BZW1: variants seen among roughly 807,000 people sequenced by gnomAD.
BZW1 encodes the protein eIF5-mimic protein 2.
In BZW1, 3 loss-of-function variants were observed where a neutral mutation model predicts 54.1. The observed-to-expected ratio is 0.06, with a 90% CI of 0.03 to 0.14. The LOEUF is 0.14. Ranked by LOEUF, BZW1 falls within the 10% of genes least tolerant of loss-of-function variation. The pLI, the probability that BZW1 is intolerant of heterozygous loss-of-function variation, is 1.00. For missense variants in BZW1, 206 were observed against 491.7 expected, an observed-to-expected ratio of 0.42 and a Z score of 5.50; for synonymous variants, 152 against 162.7, an observed-to-expected ratio of 0.93 and a Z score of 0.50.
rs2038676733 is a variant in BZW1 at position 200,825,889 on chromosome 2, G to T, written c.*3711G>T. The stretch of plus-strand genomic sequence containing the variant: ...TTTGTACAAATATTCCTCAGATGCT[G>T]TCTACAGGTGCCATATAAAATAGGT... On this transcript the variant is annotated 3_prime_UTR_variant, in exon 12 of 12. Transcript: ENST00000409600. The T allele has an allele frequency of 6.6e-6, 1 of 152,204 alleles. No individual in the cohort carries two copies. The highest frequency in any genetic ancestry group is 2.4e-5 in the African/African-American group (1 of 41,454). The allele number at this position is 152,204 out of a possible 1,614,324, so 9.4% of individuals were successfully genotyped here. A position where few individuals can be genotyped will look rare whatever the true frequency, so the allele number is the denominator to read the frequency against.
Position 200,818,402 on chromosome 2 carries a change from TTG to T in BZW1, c.819+11_819+12del. On this transcript the variant is annotated intron_variant, in intron 8 of 11. Transcript: ENST00000409600. ...GTGATCCATTTAAGGATGTAAGTTTTTGTTTAAACCGTCTTTTTATGGCTAAG... is the reference window on the plus strand; with the variant it reads ...GTGATCCATTTAAGGATGTAAGTTTTTTTAAACCGTCTTTTTATGGCTAAG... 6.3e-7 allele frequency: 1 copy of T among 1,595,522 alleles called. No individual in the cohort carries two copies. Among genetic ancestry groups the T allele is most frequent in the East Asian group, 2.2e-5 (1 of 44,824 alleles).
rs895202058 is a variant in BZW1 at position 200,826,221 on chromosome 2, CCTTT to C, written c.*4046_*4049del. On this transcript the variant is annotated 3_prime_UTR_variant, in exon 12 of 12. Transcript: ENST00000409600. Reference sequence around the variant, plus strand: ...ACTGGATCAGAAAGGCTTTCTGACTCCTTTCTCTTCACTTTTTTCTCCCAGCTTA... The same window carrying C: ...ACTGGATCAGAAAGGCTTTCTGACTCCTCTTCACTTTTTTCTCCCAGCTTA... The C allele has an allele frequency of 2.0e-4, 31 of 152,138 alleles. 1 individual carries two copies. The highest frequency in any genetic ancestry group is 7.5e-4 in the African/African-American group (31 of 41,518). 9.4% of individuals were successfully genotyped at this position (152,138 alleles called of 1,614,324 possible).
intron 10 of BZW1, among the ~76,000 whole-genome samples, chr2:200,820,543 A>G (rs2038471945): frequency 6.6e-6 from 1 of 152,154 alleles, no homozygotes; most frequent in Admixed American, 6.5e-5. Context: ...TAGGCAGGGA[A>G]TGGTGGCGCA....
chr2:200,817,832 T>C (rs962609769), intron 6 of BZW1, 142 bp from the exon 7 acceptor site: 6 of 580,924 alleles, frequency 1.0e-5, no homozygotes, highest in Admixed American at 9.4e-5. Context: ...TGATAAACTG[T>C]GGCCCAGGAA....
intron 2 of BZW1, among the ~76,000 whole-genome samples, chr2:200,814,740 C>G (rs913394330): frequency 2.0e-5 from 3 of 152,086 alleles, no homozygotes; most frequent in African/African-American, 7.2e-5. Flanking sequence ...ACTCCAGAGC[C>G]CATGTACTGA....
intron 4 of BZW1, 106 bp from the exon 5 acceptor site, chr2:200,816,219 T>C (rs2038284069): frequency 1.4e-6 from 1 of 696,790 alleles, no homozygotes; most frequent in Non-Finnish European, 2.3e-6. Context: ...GGAATTCTTC[T>C]CAAGCTGGTT....
rs372064761 is a variant in BZW1 at position 200,812,048 on chromosome 2, A to C, written c.-11+58A>C. ...ACGCTGCGGGTCGTGGACGCCGGGC[A>C]GAGGGAGAGGGAGGCGGCGGGCTGG... On this transcript the variant is annotated intron_variant, in intron 1 of 11. Coordinates refer to ENST00000409600, the MANE Select transcript of BZW1 (RefSeq NM_001207067.2). 113 of 395,552 alleles carry C rather than the reference A, an allele frequency of 2.9e-4. 3 individuals are homozygous for C. The East Asian group carries it at 3.0e-3, about 11-fold the overall frequency. The allele number at this position is 395,552 out of a possible 1,614,324, so 24.5% of individuals were successfully genotyped here.
Position 200,826,736 on chromosome 2 carries a change from T to A in BZW1, c.*4558T>A, listed in dbSNP as rs1461972183. The A allele has an allele frequency of 6.6e-6, 1 of 152,160 alleles. No individual in the cohort carries two copies. The highest frequency in any genetic ancestry group is 1.5e-5 in the Non-Finnish European group (1 of 68,032). The allele number at this position is 152,160 out of a possible 1,614,324, so 9.4% of individuals were successfully genotyped here. ...CTGCAGAATCCCTTGCTTTGTCATC[T>A]TATCCAGAAGGACTGATAGCTTGTT... On this transcript the variant is annotated 3_prime_UTR_variant, in exon 12 of 12. Transcript: ENST00000409600.
upstream of BZW1, chr2:200,811,871 G>T: frequency 5.4e-6 from 1 of 186,800 alleles, no homozygotes; most frequent in Non-Finnish European, 1.1e-5. Flanking sequence ...TAGGAGAGCG[G>T]TCCGGGCGGG....
At chr2:200,819,654 G>C (rs1366580936) in intron 9 of BZW1, among the ~76,000 whole-genome samples, 3 of 151,490 alleles carry the variant, frequency 2.0e-5, no homozygotes, top group African/African-American at 7.3e-5. Context: ...TCCATCTCCT[G>C]GGTTCAAGCA....
At position 200,817,204 on chromosome 2, in the gene BZW1, T is replaced by C. The variant is rs199584348; in HGVS notation, c.501T>C (p.Ile167=). ...CTAATGGAACACTTAATGCATCCAT[T>C]CTTAATAGCCTTTATAATGAAAATT... ...LLANGTLNAS[I]LNSLYNENLV... Residue 167 remains isoleucine, a synonymous_variant, in exon 6 of 12, where the codon ATT becomes ATC. Coordinates refer to ENST00000409600, the MANE Select transcript of BZW1 (RefSeq NM_001207067.2). 495 of 1,613,604 alleles carry C rather than the reference T, an allele frequency of 3.1e-4. No homozygotes were observed. Among genetic ancestry groups the C allele is most frequent in the Non-Finnish European group, 4.1e-4 (487 of 1,179,860 alleles).
At chr2:200,819,701 A>G (rs2038436978) in intron 9 of BZW1, among the ~76,000 whole-genome samples, 3 of 151,686 alleles carry the variant, frequency 2.0e-5, no homozygotes, top group Admixed American at 1.3e-4. Flanking sequence ...GTGCCTGGCT[A>G]ATTTTTGTAT....
intron 4 of BZW1, 113 bp from the exon 5 acceptor site, chr2:200,816,212 A>G (rs538767127): frequency 7.9e-6 from 5 of 633,550 alleles, no homozygotes; most frequent in Admixed American, 3.4e-5. Context: ...GTCACTAGGA[A>G]TTCTTCTCAA....
At chr2:200,816,538 T>C (rs2038298413) in intron 5 of BZW1, 148 bp downstream of exon 5, 1 of 502,422 alleles carries the variant, frequency 2.0e-6, no homozygotes, top group African/African-American at 1.9e-5. Context: ...TGTCCCAGGC[T>C]GGGGGTGCAG....
In BZW1 at chr2:200,822,085, T is replaced by TA. The variant is rs2038545058; in HGVS notation, c.1229-61dup. On this transcript the variant is annotated intron_variant, in intron 11 of 11. Transcript: ENST00000409600. ...CTCTGTCTTAAAGAAGCTTCAAAGT[T>TA]ATAAATGGGAACTTTTGCCTTCTGA... 3.4e-6 allele frequency: 5 copies of TA among 1,468,828 alleles called. No individual in the cohort carries two copies. In the East Asian group the frequency reaches 1.2e-4, roughly 34 times the overall value. The allele number at this position is 1,468,828 out of a possible 1,614,324, so 91.0% of individuals were successfully genotyped here.
Position 200,821,178 on chromosome 2 carries a change from T to C in BZW1, c.1106-5T>C, listed in dbSNP as rs2038494415. On this transcript the variant is annotated splice_polypyrimidine_tract_variant and splice_region_variant and intron_variant, in intron 10 of 11. Transcript: ENST00000409600. The stretch of plus-strand genomic sequence containing the variant: ...CTCCCTTAATGCAATGAGTTTTCTT[T>C]CCAGCTGAAGTCCTGAGCGAGGAGC... The C allele has an allele frequency of 6.2e-7, 1 of 1,611,422 alleles. No homozygotes were observed. The highest frequency in any genetic ancestry group is 1.3e-5 in the African/African-American group (1 of 74,974).
Position 200,825,465 on chromosome 2 carries a change from G to A in BZW1, c.*3287G>A, listed in dbSNP as rs1164070805. 1 of 152,144 alleles carries A rather than the reference G, an allele frequency of 6.6e-6. No individual in the cohort carries two copies. The highest frequency in any genetic ancestry group is 2.4e-5 in the African/African-American group (1 of 41,422). 9.4% of individuals were successfully genotyped at this position (152,144 alleles called of 1,614,324 possible). A position where few individuals can be genotyped will look rare whatever the true frequency, so the allele number is the denominator to read the frequency against. Reference sequence around the variant, plus strand: ...CTAGTGATAGACCTTTGCATTGGCAGGCATGTCTTTATGTTTATACAGTGA... The same window carrying A: ...CTAGTGATAGACCTTTGCATTGGCAAGCATGTCTTTATGTTTATACAGTGA... On this transcript the variant is annotated 3_prime_UTR_variant, in exon 12 of 12. Coordinates refer to ENST00000409600, the MANE Select transcript of BZW1 (RefSeq NM_001207067.2).
At chr2:200,813,147 G>A (rs564183251) in intron 1 of BZW1, 61 bp from the exon 2 acceptor site, 5 of 1,412,682 alleles carry the variant, frequency 3.5e-6, no homozygotes, top group African/African-American at 1.4e-5. Context: ...AAGGTTTGAT[G>A]TTTTGCTTTA....
rs544828504 is a variant in BZW1 at position 200,824,100 on chromosome 2, A to G, written c.*1922A>G. Reference sequence around the variant, plus strand: ...AAAAAGTGTGTCATCTTCCAGAACTACATTATTATCTTTGATCGTAGTTTG... The same window carrying G: ...AAAAAGTGTGTCATCTTCCAGAACTGCATTATTATCTTTGATCGTAGTTTG... On this transcript the variant is annotated 3_prime_UTR_variant, in exon 12 of 12. Transcript: ENST00000409600. 7 of 152,188 alleles carry G rather than the reference A, an allele frequency of 4.6e-5. No individual in the cohort carries two copies. Among genetic ancestry groups the G allele is most frequent in the African/African-American group, 1.4e-4 (6 of 41,460 alleles). The allele number at this position is 152,188 out of a possible 1,614,324, so 9.4% of individuals were successfully genotyped here.
Sources: gnomAD v4.1 joint callset for allele counts (sites outside exome capture counted in the v4.1 genomes callset) on GRCh38, gnomAD v4.1.1 for gene constraint, MANE v1.5 for transcripts, NCBI Gene and HGNC (gene_info 2026-07-23, HGNC 2026-07-21) for gene names.